The following NIPAL1 variants were observed in gnomAD, a reference collection of about 807,000 sequenced individuals.
The protein encoded by NIPAL1 is NIPA like domain containing 1.
Under a neutral mutation model 37.7 loss-of-function variants are expected in NIPAL1, and 35 were observed. The observed-to-expected ratio is 0.93, with a 90% CI of 0.71 to 1.23. NIPAL1 has a LOEUF of 1.23. Ranked by LOEUF, NIPAL1 falls within the 50% of genes most tolerant of loss-of-function variation. NIPAL1 has a pLI of 0.00. For missense variants in NIPAL1, 412 were observed against 473.9 expected, an observed-to-expected ratio of 0.87 and a Z score of 1.21; for synonymous variants, 162 against 183.0, an observed-to-expected ratio of 0.89 and a Z score of 0.93.
rs150025979 is a variant in NIPAL1, at chr4:48,034,811, A to T, written c.462-70A>T. 3.4e-6 allele frequency: 4 copies of T among 1,172,328 alleles called. No homozygotes were observed. The East Asian group carries it at 7.0e-5, about 21-fold the overall frequency. 72.6% of individuals were successfully genotyped at this position (1,172,328 alleles called of 1,614,324 possible). Reference sequence around the variant, plus strand: ...ACATGGTGGCATGTACCACAGTGTGACTTCTGAGCTGCCATGGGATCAAAA... The same window carrying T: ...ACATGGTGGCATGTACCACAGTGTGTCTTCTGAGCTGCCATGGGATCAAAA... On this transcript the variant is annotated intron_variant, in intron 4 of 5. Transcript: ENST00000295461.
intron 3 of NIPAL1, among the ~76,000 whole-genome samples, chr4:48,031,467 T>C (rs1164860792): frequency 6.6e-6 from 1 of 152,204 alleles, no homozygotes; most frequent in African/African-American, 2.4e-5. Context: ...TCTTTCTCTT[T>C]TTCTGTCTTA....
intron 4 of NIPAL1, among the ~76,000 whole-genome samples, chr4:48,033,322 A>G (rs920131712): frequency 4.6e-5 from 7 of 152,208 alleles, no homozygotes; most frequent in Non-Finnish European, 8.8e-5. Flanking sequence ...TCTTGCCTGA[A>G]ATCACAAAAA....
At chr4:48,020,892 G>A (rs1452019819) in intron 1 of NIPAL1, among the ~76,000 whole-genome samples, 2 of 152,056 alleles carry the variant, frequency 1.3e-5, no homozygotes, top group Non-Finnish European at 2.9e-5. Context: ...TACAATTATT[G>A]ACTTTCTTAA....
chr4:48,029,994 G>A (rs1173583768), intron 2 of NIPAL1, 126 bp from the exon 3 acceptor site: 1 of 554,462 alleles, frequency 1.8e-6, no homozygotes, highest in South Asian at 2.6e-5. Flanking sequence ...AATAAGCTAA[G>A]AGACTTTAGA....
At chr4:48,017,434 C>A (rs1355793057) in intron 1 of NIPAL1, among the ~76,000 whole-genome samples, 4 of 152,180 alleles carry the variant, frequency 2.6e-5, no homozygotes, top group African/African-American at 9.7e-5. Context: ...CTCTCCTCTT[C>A]CTTGGAAATG....
At position 48,036,276 on chromosome 4, in the gene NIPAL1, T is replaced by C. The variant is rs760322717; in HGVS notation, c.*104T>C. 77 of 1,148,500 alleles carry C rather than the reference T, an allele frequency of 6.7e-5. No individual in the cohort carries two copies. The highest frequency in any genetic ancestry group is 9.4e-5 in the Non-Finnish European group (77 of 815,618). The allele number at this position is 1,148,500 out of a possible 1,614,324, so 71.1% of individuals were successfully genotyped here. A position where few individuals can be genotyped will look rare whatever the true frequency, so the allele number is the denominator to read the frequency against. ...CTAGGAAAGTTAGCATTTTTGCAGTTCTAACTAATTTAGATGTGAGGCCAA... is the reference window on the plus strand; with the variant it reads ...CTAGGAAAGTTAGCATTTTTGCAGTCCTAACTAATTTAGATGTGAGGCCAA... On this transcript the variant is annotated 3_prime_UTR_variant, in exon 6 of 6. Coordinates refer to ENST00000295461, the MANE Select transcript of NIPAL1 (RefSeq NM_207330.3).
Position 48,025,054 on chromosome 4 carries a change from T to G in NIPAL1, c.47-14T>G. 6.2e-7 allele frequency: 1 copy of G among 1,610,380 alleles called. No homozygotes were observed. Among genetic ancestry groups the G allele is most frequent in the African/African-American group, 1.3e-5 (1 of 74,868 alleles). On this transcript the variant is annotated splice_polypyrimidine_tract_variant and intron_variant, in intron 1 of 5. Coordinates refer to ENST00000295461, the MANE Select transcript of NIPAL1 (RefSeq NM_207330.3). ...CCTTTCATTCCTGACATTCTCTTCT[T>G]TCCTTTTTTCCAGGATATGTGCTGT...
At chr4:48,030,584 C>T (rs770039433) in intron 3 of NIPAL1, among the ~76,000 whole-genome samples, 8 of 152,148 alleles carry the variant, frequency 5.3e-5, no homozygotes, top group Admixed American at 2.6e-4. Flanking sequence ...CAGGACAACA[C>T]GGATAAGTGA....
chr4:48,035,931 G>T lies in NIPAL1; in HGVS notation c.992G>T (p.Gly331Val), dbSNP rs139728635. Residue 331 changes from glycine (G) to valine (V), a missense_variant, in exon 6 of 6, where the codon GGC becomes GTC. Coordinates refer to ENST00000295461, the MANE Select transcript of NIPAL1 (RefSeq NM_207330.3). ...CSAILFQEWYGMTAGDIIGTL... is the reference protein window; with the variant it reads ...CSAILFQEWYVMTAGDIIGTL... ...GCCATCTTATTCCAAGAGTGGTATG[G>T]CATGACAGCTGGAGATATCATTGGG... 6.8e-6 allele frequency: 11 copies of T among 1,613,822 alleles called. No homozygotes were observed. The African/African-American group carries it at 1.5e-4, about 22-fold the overall frequency.
chr4:48,035,535 A>T, intron 5 of NIPAL1, 27 bp from the exon 6 acceptor site: 1 of 1,583,122 alleles, frequency 6.3e-7, no homozygotes. Flanking sequence ...CATTTTCTAA[A>T]GTCAAATTCT....
intron 5 of NIPAL1, 65 bp downstream of exon 5, chr4:48,035,106 T>C: frequency 7.7e-7 from 1 of 1,291,510 alleles, no homozygotes; most frequent in Non-Finnish European, 1.1e-6. Flanking sequence ...CCAAATAGTA[T>C]CTGTAATAAT....
At chr4:48,033,781 T>C (rs1715869650) in intron 4 of NIPAL1, among the ~76,000 whole-genome samples, 1 of 152,232 alleles carries the variant, frequency 6.6e-6, no homozygotes. Context: ...GTTCTTTTCT[T>C]GTCTTTTTGT....
At chr4:48,026,058 T>G (rs1207594931) in intron 2 of NIPAL1, among the ~76,000 whole-genome samples, 1 of 152,102 alleles carries the variant, frequency 6.6e-6, no homozygotes, top group Non-Finnish European at 1.5e-5. Context: ...TCTCTGTCAT[T>G]GCACTAATAG....
rs1202260855 is a variant in NIPAL1, at chr4:48,039,445, T to C, written c.*3273T>C. 1 of 152,252 alleles carries C rather than the reference T, an allele frequency of 6.6e-6. No homozygotes were observed. Among genetic ancestry groups the C allele is most frequent in the Non-Finnish European group, 1.5e-5 (1 of 68,042 alleles). 9.4% of individuals were successfully genotyped at this position (152,252 alleles called of 1,614,324 possible). ...AGTCTTAACTGGTAGTTTATGTATA[T>C]ATTTTAATACTTTGTCATCATGTAC... On this transcript the variant is annotated 3_prime_UTR_variant, in exon 6 of 6. Transcript: ENST00000295461.
chr4:48,030,868 G>A (rs1483766841), intron 3 of NIPAL1, among the ~76,000 whole-genome samples: 1 of 152,190 alleles, frequency 6.6e-6, no homozygotes, highest in Non-Finnish European at 1.5e-5. Flanking sequence ...CTGTAGCCAG[G>A]AGTCTTAAAG....
At chr4:48,030,215 A>G in intron 3 of NIPAL1, 39 bp downstream of exon 3, 2 of 1,195,872 alleles carry the variant, frequency 1.7e-6, no homozygotes, top group Non-Finnish European at 2.5e-6. Flanking sequence ...TATTTGTAAG[A>G]TAGTAAATAG....
At chr4:48,026,072 C>A (rs1331532145) in intron 2 of NIPAL1, among the ~76,000 whole-genome samples, 1 of 151,980 alleles carries the variant, frequency 6.6e-6, no homozygotes, top group Non-Finnish European at 1.5e-5. Flanking sequence ...CTAATAGTTT[C>A]CCTCACCGTA....
rs2109374844 is a variant in NIPAL1, at chr4:48,037,765, C to G, written c.*1593C>G. On this transcript the variant is annotated 3_prime_UTR_variant, in exon 6 of 6. Transcript: ENST00000295461. ...ACATTAAAATGTTTATAAAATTTTC[C>G]CCTCTCATTTCAAATGCATGGCAGG... 1 of 152,018 alleles carries G rather than the reference C, an allele frequency of 6.6e-6. No homozygotes were observed. Among genetic ancestry groups the G allele is most frequent in the East Asian group, 1.9e-4 (1 of 5,168 alleles). 9.4% of individuals were successfully genotyped at this position (152,018 alleles called of 1,614,324 possible).
At position 48,036,056 on chromosome 4, in the gene NIPAL1, A is replaced by G; in HGVS notation, c.1117A>G (p.Lys373Glu). 1 of 1,610,662 alleles carries G rather than the reference A, an allele frequency of 6.2e-7. No individual in the cohort carries two copies. Among genetic ancestry groups the G allele is most frequent in the Non-Finnish European group, 8.5e-7 (1 of 1,179,330 alleles). ...TWSELTSTAK[K>E]EAVSLNVNEN... ...GAGTGAGCTTACATCCACTGCTAAG[A>G]AAGAAGCCGTCTCTCTGAATGTCAA... The change falls in exon 6 of 6, where the codon AAA becomes GAA. Residue 373 changes from lysine (K) to glutamate (E), a missense_variant. By Grantham distance (56) the Lys-to-Glu change is moderately conservative. Transcript: ENST00000295461.
Sources: gnomAD v4.1 joint callset for allele counts (sites outside exome capture counted in the v4.1 genomes callset) on GRCh38, gnomAD v4.1.1 for gene constraint, MANE v1.5 for transcripts, NCBI Gene and HGNC (gene_info 2026-07-23, HGNC 2026-07-21) for gene names.